Variants in DMD observed in about 807,000 individuals in gnomAD.
The protein encoded by DMD is dystrophin, also known as mutant dystrophin.
DMD carries 63 observed loss-of-function variants against 330.1 expected under a neutral mutation model. That is an observed-to-expected ratio of 0.19 (90% CI 0.16 to 0.24). The LOEUF (loss-of-function observed/expected upper bound fraction) is 0.24. Ranked by LOEUF, DMD falls within the 10% of genes least tolerant of loss-of-function variation. DMD has a pLI of 1.00. For synonymous variants in DMD, 1,223 were observed against 959.8 expected (o/e 1.27, Z -5.07); for missense variants, 3,344 against 2,684.1 (o/e 1.25, Z -5.43).
At chrX:33,177,345 G>T (rs2049722213) in intron 1 of DMD, among the ~76,000 whole-genome samples, 1 of 111,753 alleles carries the variant, frequency 8.9e-6, no homozygotes, top group Admixed American at 9.5e-5. Flanking sequence ...ATTGATTTGG[G>T]TCTTAAAGAC....
chrX:33,179,586 C>G (rs896848129), intron 1 of DMD, among the ~76,000 whole-genome samples: 1 of 107,370 alleles, frequency 9.3e-6, no homozygotes, highest in Non-Finnish European at 1.9e-5. Flanking sequence ...CCCAGCTACT[C>G]GGGAGCCTGA....
chrX:33,205,996 T>TA (rs1298920612), intron 1 of DMD, among the ~76,000 whole-genome samples: 2 of 111,902 alleles, frequency 1.8e-5, no homozygotes, highest in African/African-American at 6.5e-5. Flanking sequence ...CAAAACCCAT[T>TA]AAGCCATCTA....
At chrX:31,498,977 A>C (rs1461170133) in intron 56 of DMD, among the ~76,000 whole-genome samples, 2 of 111,929 alleles carry the variant, frequency 1.8e-5, no homozygotes, top group Non-Finnish European at 3.8e-5. Flanking sequence ...GCAAGATTTT[A>C]GCTGTTTAAT....
chrX:33,250,110 T>TATATATATA (rs748598265), intron 1 of DMD, among the ~76,000 whole-genome samples: 5 of 97,895 alleles, frequency 5.1e-5, no homozygotes, highest in African/African-American at 2.1e-4. Flanking sequence ...TATATATATA[T>TATATATATA]ATCAATGTAC....
At chrX:32,589,438 G>A (rs2054642274) in intron 13 of DMD, among the ~76,000 whole-genome samples, 1 of 109,752 alleles carries the variant, frequency 9.1e-6, no homozygotes, top group Non-Finnish European at 1.9e-5. Flanking sequence ...TTATGTATAT[G>A]TATGTATATA....
chrX:33,316,883 T>G (rs1199665269), intron 1 of DMD, among the ~76,000 whole-genome samples: 1 of 111,230 alleles, frequency 9.0e-6, no homozygotes, highest in Non-Finnish European at 1.9e-5. Context: ...ATTTAGGTCT[T>G]GATTTCTTTT....
intron 7 of DMD, among the ~76,000 whole-genome samples, chrX:32,774,607 C>A (rs2073959674): frequency 1.8e-5 from 2 of 111,076 alleles, no homozygotes; most frequent in Admixed American, 9.6e-5. Context: ...AGGGAACAGC[C>A]AGACACTTAA....
At chrX:31,321,782 G>A (rs896794357) in intron 62 of DMD, among the ~76,000 whole-genome samples, 2 of 109,755 alleles carry the variant, frequency 1.8e-5, no homozygotes, top group East Asian at 5.7e-4. Flanking sequence ...AAGGAGCATT[G>A]GACAAATAGG....
At chrX:33,218,555 C>A (rs1283463532) in intron 1 of DMD, among the ~76,000 whole-genome samples, 3 of 110,891 alleles carry the variant, frequency 2.7e-5, no homozygotes, top group Non-Finnish European at 3.8e-5. Flanking sequence ...AAAAATATAA[C>A]TAGTTTTCAG....
chrX:32,209,058 A>C (rs762270330), intron 44 of DMD, among the ~76,000 whole-genome samples: 1 of 112,024 alleles, frequency 8.9e-6, no homozygotes, highest in Non-Finnish European at 1.9e-5. Context: ...TCAATATATG[A>C]ATCAATTTTT....
rs1319834623 is a variant in DMD at position 32,733,637 on chromosome X, A to C, written c.650-34344T>G. On this transcript the variant is annotated intron_variant, in intron 7 of 78. Transcript: ENST00000357033. ...CTCAAAACCGCTCAACTACATGGAAACTGAACAACCTCCTCCTGAATGACT... is the reference window on the plus strand; with the variant it reads ...CTCAAAACCGCTCAACTACATGGAACCTGAACAACCTCCTCCTGAATGACT... Among the ~76,000 whole-genome samples, 4 of 111,736 alleles carry C rather than the reference A, an allele frequency of 3.6e-5. No homozygotes were observed. In the East Asian group the frequency reaches 8.4e-4, roughly 24 times the overall value.
chrX:32,949,292 GCA>G (rs1479992603), intron 2 of DMD, among the ~76,000 whole-genome samples: 35 of 70,618 alleles, frequency 5.0e-4, no homozygotes, highest in African/African-American at 1.7e-3. Context: ...ACACACACAC[GCA>G]CACATAATAT....
chrX:33,057,823 G>A (rs2094535426), intron 1 of DMD, among the ~76,000 whole-genome samples: 1 of 111,852 alleles, frequency 8.9e-6, no homozygotes, highest in African/African-American at 3.2e-5. Flanking sequence ...CCAAGTAGCA[G>A]GTTTTTATTA....
At chrX:33,103,897 A>G (rs962384945) in intron 1 of DMD, among the ~76,000 whole-genome samples, 5 of 112,176 alleles carry the variant, frequency 4.5e-5, no homozygotes, top group African/African-American at 1.6e-4. Context: ...AAAAATAATG[A>G]TAAATCTAGC....
In DMD at chrX:32,454,200, C is replaced by T. The variant is rs183076834; in HGVS notation, c.3603+462G>A. 2.8e-3 allele frequency among the ~76,000 whole-genome samples: 307 copies of T among 111,044 alleles called. 1 individual carries two copies. The highest frequency in any genetic ancestry group is 9.7e-3 in the African/African-American group (298 of 30,748). ...AAGAAAAGTACATGTAAACTCAGTC[C>T]TTTCTATCCATATTAAAGGCTACGG... On this transcript the variant is annotated intron_variant, in intron 26 of 78. Coordinates refer to ENST00000357033, the MANE Select transcript of DMD (RefSeq NM_004006.3).
intron 34 of DMD, among the ~76,000 whole-genome samples, chrX:32,376,743 G>A (rs941092330): frequency 3.7e-5 from 4 of 109,168 alleles, no homozygotes; most frequent in Admixed American, 2.0e-4. Context: ...AAACTTAAGT[G>A]TTAGATCATT....
In DMD at chrX:31,816,148, T is replaced by C. The variant is rs116836388; in HGVS notation, c.7309+3827A>G. On this transcript the variant is annotated intron_variant, in intron 50 of 78. Transcript: ENST00000357033. ...AAATCACTCGTTTTGAACTGTTAAG[T>C]TTTGGGGTGCTTCTATGCAACAATA... Among the ~76,000 whole-genome samples, 750 of 112,357 alleles carry C rather than the reference T, an allele frequency of 6.7e-3. 6 individuals carry two copies. Among genetic ancestry groups the C allele is most frequent in the African/African-American group, 0.023 (711 of 30,952 alleles).
intron 4 of DMD, among the ~76,000 whole-genome samples, chrX:32,841,114 C>T (rs2080122667): frequency 1.8e-5 from 2 of 111,474 alleles, no homozygotes; most frequent in South Asian, 7.4e-4. Flanking sequence ...CTCATTACAG[C>T]TCTAATTTAA....
intron 47 of DMD, among the ~76,000 whole-genome samples, chrX:31,891,191 A>C (rs1367800622): frequency 8.9e-6 from 1 of 111,845 alleles, no homozygotes; most frequent in Non-Finnish European, 1.9e-5. Context: ...TGGCATTGGC[A>C]TATGTGAAGT....
Sources: gnomAD v4.1 joint callset for allele counts (sites outside exome capture counted in the v4.1 genomes callset) on GRCh38, gnomAD v4.1.1 for gene constraint, MANE v1.5 for transcripts, NCBI Gene and HGNC (gene_info 2026-07-23, HGNC 2026-07-21) for gene names.